The following NEK10 variants were observed in gnomAD, a reference collection of about 807,000 sequenced individuals.
The protein encoded by NEK10 is NIMA related kinase 10, also known as serine/threonine-protein kinase Nek10.
In NEK10, 122 loss-of-function variants were observed where a neutral mutation model predicts 159.8. The observed-to-expected ratio is 0.76, with a 90% CI of 0.66 to 0.89. The LOEUF is 0.89. NEK10 is among the 40% of genes least tolerant of loss of function. The pLI is 0.00. For synonymous variants in NEK10, 466 were observed against 457.1 expected (o/e 1.02, Z -0.25); for missense variants, 1,342 against 1,323.1 (o/e 1.01, Z -0.22).
chr3:27,301,721 T>C lies in NEK10; in HGVS notation c.1143A>G (p.Gln381=), dbSNP rs1419811881. ...LSEDLSPREI[Q]ENTFSLQAAC... ...CTGCTTGAAGTGAGAAAGTATTTTC[T>C]TGTATTTCCCTAGGGCTCAAGTCTT... The change falls in exon 13 of 36, where the codon CAA becomes CAG. Residue 381 remains glutamine (Q), a synonymous_variant. Transcript: ENST00000691995. 4.4e-6 allele frequency: 7 copies of C among 1,575,958 alleles called. No homozygotes were observed. Among genetic ancestry groups the C allele is most frequent in the Admixed American group, 3.5e-5 (2 of 56,492 alleles).
At chr3:27,200,276 T>C (rs2149029637) in intron 25 of NEK10, among the ~76,000 whole-genome samples, 1 of 152,052 alleles carries the variant, frequency 6.6e-6, no homozygotes, top group South Asian at 2.1e-4. Context: ...CAATAATACA[T>C]CTATTATAGT....
intron 5 of NEK10, among the ~76,000 whole-genome samples, chr3:27,327,729 C>T (rs1176343047): frequency 1.3e-5 from 2 of 152,188 alleles, no homozygotes; most frequent in African/African-American, 4.8e-5. Flanking sequence ...TTGTAGCACA[C>T]TCTGTCTTTT....
At chr3:27,313,808 G>A (rs1263580675) in intron 7 of NEK10, among the ~76,000 whole-genome samples, 1 of 152,054 alleles carries the variant, frequency 6.6e-6, no homozygotes, top group African/African-American at 2.4e-5. Flanking sequence ...CGCCCCCCAG[G>A]TTTAAGCAAT....
At chr3:27,225,620 A>G (rs1163727499) in intron 23 of NEK10, among the ~76,000 whole-genome samples, 1 of 152,192 alleles carries the variant, frequency 6.6e-6, no homozygotes, top group African/African-American at 2.4e-5. Flanking sequence ...CTTGAAGGCC[A>G]TACGGGGAGG....
chr3:27,352,450 C>A lies in NEK10; in HGVS notation c.132+15G>T. 1 of 1,591,292 alleles carries A rather than the reference C, an allele frequency of 6.3e-7. No individual in the cohort carries two copies. On this transcript the variant is annotated intron_variant, in intron 3 of 35. Coordinates refer to ENST00000691995, the MANE Select transcript of NEK10 (RefSeq NM_001394966.1). ...TTTCTTTTATTACCAAGTGAACATT[C>A]TTTGAAAACGCTACCTGTTGTTTGC...
At chr3:27,311,994 G>A (rs776963690) in intron 8 of NEK10, 105 bp downstream of exon 8, 22 of 761,576 alleles carry the variant, frequency 2.9e-5, no homozygotes, top group African/African-American at 1.9e-4. Context: ...CTGTGTGTGC[G>A]AACATTAATA....
At chr3:27,299,645 GA>G (rs2043643170) in intron 13 of NEK10, among the ~76,000 whole-genome samples, 1 of 152,228 alleles carries the variant, frequency 6.6e-6, no homozygotes. Flanking sequence ...ATCAACCCAT[GA>G]AAGCAGCCGA....
intron 26 of NEK10, among the ~76,000 whole-genome samples, chr3:27,180,445 G>GGGGAAGGGAA (rs1244936495): frequency 6.6e-6 from 1 of 150,734 alleles, no homozygotes; most frequent in Admixed American, 6.6e-5. Flanking sequence ...GGGGAAGGGA[G>GGGGAAGGGAA]GGGAAGGGAA....
chr3:27,139,755 G>A (rs1379020391), intron 31 of NEK10, among the ~76,000 whole-genome samples: 3 of 152,122 alleles, frequency 2.0e-5, no homozygotes, highest in Non-Finnish European at 2.9e-5. Context: ...CATGTAAAGG[G>A]GTGATTTCAA....
chr3:27,265,126 T>A (rs1045679126), intron 22 of NEK10, among the ~76,000 whole-genome samples: 14 of 152,128 alleles, frequency 9.2e-5, no homozygotes, highest in African/African-American at 3.4e-4. Context: ...CTGTAGCTAA[T>A]AATCTACTTA....
At chr3:27,352,584 G>A (rs2048049690) in intron 2 of NEK10, 59 bp from the exon 3 acceptor site, 1 of 1,250,578 alleles carries the variant, frequency 8.0e-7, no homozygotes, top group African/African-American at 1.5e-5. Context: ...ACAAGATCGT[G>A]TTACCCACTG....
intron 23 of NEK10, among the ~76,000 whole-genome samples, chr3:27,227,105 G>A (rs1479997075): frequency 6.6e-6 from 1 of 152,114 alleles, no homozygotes; most frequent in African/African-American, 2.4e-5. Flanking sequence ...CACTTGCTAT[G>A]TACCAAGTCC....
intron 30 of NEK10, among the ~76,000 whole-genome samples, chr3:27,153,485 C>T (rs1945097081): frequency 6.6e-6 from 1 of 152,066 alleles, no homozygotes; most frequent in Non-Finnish European, 1.5e-5. Flanking sequence ...ACATTTCATC[C>T]AACAACCGCA....
At chr3:27,283,144 A>G (rs1319499119) in intron 22 of NEK10, among the ~76,000 whole-genome samples, 1 of 152,108 alleles carries the variant, frequency 6.6e-6, no homozygotes, top group Non-Finnish European at 1.5e-5. Flanking sequence ...TCATTCCTGA[A>G]CACATGTTGT....
intron 35 of NEK10, 86 bp downstream of exon 35, chr3:27,115,854 T>C (rs1430621900): frequency 1.0e-6 from 1 of 990,766 alleles, no homozygotes; most frequent in Non-Finnish European, 1.5e-6. Flanking sequence ...AAAAAATCCC[T>C]CTGGAATAAA....
At position 27,256,906 on chromosome 3, in the gene NEK10, TTC is replaced by T. The variant is rs1297546517; in HGVS notation, c.2015-537_2015-536del. Among the ~76,000 whole-genome samples, 1,459 of 146,258 alleles carry T rather than the reference TTC, an allele frequency of 1.0e-2. 6 individuals carry two copies. The highest frequency in any genetic ancestry group is 0.02 in the South Asian group (90 of 4,612). ...AAATATCTTCAGGTACTTCTCTTTT[TTC>T]TCTCTTTTTTTTTTTTTTTTTTTTT... On this transcript the variant is annotated intron_variant, in intron 22 of 35. Transcript: ENST00000691995.
At chr3:27,248,100 A>G (rs949817749) in intron 23 of NEK10, among the ~76,000 whole-genome samples, 2 of 152,028 alleles carry the variant, frequency 1.3e-5, no homozygotes, top group Non-Finnish European at 1.5e-5. Flanking sequence ...CCATCTTGGT[A>G]GGTTGTATGT....
At chr3:27,198,974 G>A (rs1171108314) in intron 25 of NEK10, among the ~76,000 whole-genome samples, 17 of 151,646 alleles carry the variant, frequency 1.1e-4, no homozygotes, top group Non-Finnish European at 1.9e-4. Context: ...TCAGGAGGCT[G>A]AGGCAGGAGA....
chr3:27,222,119 T>A (rs1030972256), intron 23 of NEK10, among the ~76,000 whole-genome samples: 1 of 152,174 alleles, frequency 6.6e-6, no homozygotes, highest in Admixed American at 6.5e-5. Flanking sequence ...ATGCCTGTAA[T>A]CCCAGCAATT....
Sources: gnomAD v4.1 joint callset for allele counts (sites outside exome capture counted in the v4.1 genomes callset) on GRCh38, gnomAD v4.1.1 for gene constraint, MANE v1.5 for transcripts, NCBI Gene and HGNC (gene_info 2026-07-23, HGNC 2026-07-21) for gene names.